ANKRD24: variants seen among roughly 807,000 people sequenced by gnomAD.
ANKRD24 encodes ankyrin repeat domain-containing protein 24.
A neutral mutation model predicts 127.8 loss-of-function variants in ANKRD24; 109 were observed. The observed-to-expected ratio is 0.85, with a 90% confidence interval of 0.73 to 1.00. The LOEUF (loss-of-function observed/expected upper bound fraction) is 1.00. Among genes scored for constraint, ANKRD24 ranks in the 50% least tolerant of loss-of-function variants. The probability of loss-of-function intolerance (pLI) is 0.00; values close to 1 mark genes in which losing one functional copy is unlikely to be tolerated. For missense variants in ANKRD24, 1,648 were observed against 1,570.2 expected (o/e 1.05, Z -0.84); for synonymous variants, 743 against 671.1 (o/e 1.11, Z -1.66).
chr19:4,218,195 C>T (rs1405593634), intron 18 of ANKRD24, 32 bp downstream of exon 18: 1 of 1,410,788 alleles, frequency 7.1e-7, no homozygotes, highest in Non-Finnish European at 9.3e-7. Context: ...CCGGGCCCCA[C>T]CCCCATTGGC....
chr19:4,206,615 G>A (rs1434978685), intron 7 of ANKRD24, among the ~76,000 whole-genome samples: 4 of 152,116 alleles, frequency 2.6e-5, no homozygotes, highest in South Asian at 4.1e-4. Context: ...GCAACACAGC[G>A]AGACCCCGTC....
At chr19:4,200,325 A>C (rs536464930) in intron 5 of ANKRD24, among the ~76,000 whole-genome samples, 154 bp downstream of exon 5, 3 of 152,238 alleles carry the variant, frequency 2.0e-5, no homozygotes, top group Non-Finnish European at 2.9e-5. Context: ...AGGGAGACAC[A>C]CAGGGGCATG....
In ANKRD24 at chr19:4,217,454, G is replaced by A. The variant is rs765582446; in HGVS notation, c.2294G>A (p.Arg765Gln). 6 of 1,512,820 alleles carry A rather than the reference G, an allele frequency of 4.0e-6. No individual in the cohort carries two copies. Among genetic ancestry groups the A allele is most frequent in the Admixed American group, 4.6e-5 (2 of 43,424 alleles). The allele number at this position is 1,512,820 out of a possible 1,614,324, so 93.7% of individuals were successfully genotyped here. Residue 765 changes from arginine (R) to glutamine (Q), a missense_variant, in exon 18 of 22, where the codon CGA becomes CAA. Coordinates refer to ENST00000318934, the MANE Select transcript of ANKRD24 (RefSeq NM_001393985.1). Reference protein sequence around the residue: ...EAAEAEAGRLRERVREAEGSG... With the variant: ...EAAEAEAGRLQERVREAEGSG... ...GCGGAGGCCGAGGCAGGCCGGCTGC[G>A]AGAGCGTGTCCGCGAGGCCGAGGGC... is the stretch of plus-strand genomic sequence containing the variant.
chr19:4,208,273 G>A (rs934639496), intron 10 of ANKRD24, among the ~76,000 whole-genome samples: 1 of 152,080 alleles, frequency 6.6e-6, no homozygotes, highest in East Asian at 2.0e-4. Flanking sequence ...GGAGGCCGAG[G>A]TGGGCGAATC....
intron 20 of ANKRD24, 102 bp from the exon 21 acceptor site, chr19:4,224,025 C>A: frequency 1.2e-6 from 1 of 837,472 alleles, no homozygotes; most frequent in South Asian, 1.7e-5. Context: ...AGCAGTCGGC[C>A]ATCAACGTAC....
intron 20 of ANKRD24, 101 bp downstream of exon 20, chr19:4,222,896 TGGGGTA>T (rs1490656333): frequency 7.4e-7 from 1 of 1,353,310 alleles, no homozygotes; most frequent in Non-Finnish European, 9.7e-7. Context: ...GGAGAGGGGC[TGGGGTA>T]GGCAGGTGGG....
chr19:4,212,905 G>A (rs553429380), intron 15 of ANKRD24, among the ~76,000 whole-genome samples: 48 of 152,344 alleles, frequency 3.2e-4, no homozygotes, highest in African/African-American at 1.1e-3. Context: ...GGCCGAGGCG[G>A]GCGGATCACG....
chr19:4,185,205 G>A (rs1290800185), intron 1 of ANKRD24, among the ~76,000 whole-genome samples: 1 of 151,106 alleles, frequency 6.6e-6, no homozygotes, highest in Admixed American at 6.6e-5. Context: ...GATGAATGGT[G>A]GGAGTTGGTA....
chr19:4,196,676 C>T (rs1353690631), intron 2 of ANKRD24, among the ~76,000 whole-genome samples: 2 of 152,194 alleles, frequency 1.3e-5, no homozygotes, highest in South Asian at 2.1e-4. Context: ...CGCCTGGCCT[C>T]CAGGGCTCCT....
chr19:4,195,101 C>G lies in ANKRD24; in HGVS notation c.37-4582C>G, dbSNP rs1382657955. 7.3e-6 allele frequency among the ~76,000 whole-genome samples: 1 copy of G among 136,324 alleles called. No individual in the cohort carries two copies. 89.4% of individuals were successfully genotyped at this position (136,324 alleles called of 152,430 possible). A position where few individuals can be genotyped will look rare whatever the true frequency, so the allele number is the denominator to read the frequency against. On this transcript the variant is annotated intron_variant, in intron 2 of 21. Coordinates refer to ENST00000318934, the MANE Select transcript of ANKRD24 (RefSeq NM_001393985.1). The surrounding 1 kb of genome is among the most constrained non-coding windows in gnomAD (Gnocchi z 4.2). ...GTTTGTTTGTTTTTAGAGAGGGAGT[C>G]TCACTCTGTCACCCAGGTTGGAGTG...
chr19:4,184,622 C>A (rs922903220), intron 1 of ANKRD24, among the ~76,000 whole-genome samples: 1 of 152,186 alleles, frequency 6.6e-6, no homozygotes, highest in African/African-American at 2.4e-5. Flanking sequence ...CCCAAGCCCA[C>A]GGATTGTCTT....
intron 2 of ANKRD24, among the ~76,000 whole-genome samples, chr19:4,187,161 C>A (rs954316884): frequency 6.6e-6 from 1 of 151,888 alleles, no homozygotes; most frequent in Admixed American, 6.6e-5. Context: ...ACCTGTAATC[C>A]CAGCATTTTG....
intron 15 of ANKRD24, among the ~76,000 whole-genome samples, chr19:4,213,259 T>C (rs540923232): frequency 6.6e-5 from 6 of 90,908 alleles, no homozygotes; most frequent in African/African-American, 2.3e-4. Context: ...CCTTTCCTTC[T>C]TTCCTTTCCT....
chr19:4,184,011 T>A (rs1305623498), intron 1 of ANKRD24, among the ~76,000 whole-genome samples: 1 of 152,156 alleles, frequency 6.6e-6, no homozygotes, highest in Non-Finnish European at 1.5e-5. Context: ...GAACAGCAAG[T>A]GCAAAGGCTG....
chr19:4,202,566 A>G (rs1228753926), intron 6 of ANKRD24, among the ~76,000 whole-genome samples: 4 of 151,770 alleles, frequency 2.6e-5, no homozygotes, highest in African/African-American at 9.7e-5. Flanking sequence ...GCGAAACACC[A>G]TCTAAAATAT....
intron 1 of ANKRD24, among the ~76,000 whole-genome samples, chr19:4,185,523 C>T (rs182244225): frequency 6.6e-6 from 1 of 152,270 alleles, no homozygotes; most frequent in Non-Finnish European, 1.5e-5. Context: ...CACAGTCACA[C>T]CCCTCAAAAA....
At chr19:4,214,712 G>A (rs1434241819) in intron 15 of ANKRD24, among the ~76,000 whole-genome samples, 1 of 152,032 alleles carries the variant, frequency 6.6e-6, no homozygotes, top group Non-Finnish European at 1.5e-5. Flanking sequence ...AAATTAGCCG[G>A]GTGTGCTGGC....
chr19:4,207,736 C>T, intron 9 of ANKRD24, 45 bp from the exon 10 acceptor site: 1 of 1,571,068 alleles, frequency 6.4e-7, no homozygotes, highest in Non-Finnish European at 8.6e-7. Context: ...GGCATGGGGG[C>T]TTGGGGGATG....
Position 4,217,808 on chromosome 19 carries a change from C to T in ANKRD24, c.2648C>T (p.Ala883Val), listed in dbSNP as rs776137946. 3 of 1,381,868 alleles carry T rather than the reference C, an allele frequency of 2.2e-6. No individual in the cohort carries two copies. Among genetic ancestry groups the T allele is most frequent in the South Asian group, 1.5e-5 (1 of 66,042 alleles). 85.6% of individuals were successfully genotyped at this position (1,381,868 alleles called of 1,614,324 possible). The change falls in exon 18 of 22, where the codon GCC becomes GTC. Residue 883 changes from alanine to valine, a missense_variant. Coordinates refer to ENST00000318934, the MANE Select transcript of ANKRD24 (RefSeq NM_001393985.1). Reference protein sequence around the residue: ...ELGRARDAAEARVAELPAACE... With the variant: ...ELGRARDAAEVRVAELPAACE... ...GGCCGGGCACGGGACGCCGCTGAGG[C>T]CCGAGTGGCTGAGCTGCCTGCGGCC...
Sources: gnomAD v4.1 joint callset for allele counts (sites outside exome capture counted in the v4.1 genomes callset) on GRCh38, gnomAD v4.1.1 for gene constraint, Gnocchi (gnomAD v3.1) non-coding constraint, MANE v1.5 for transcripts, NCBI Gene and HGNC (gene_info 2026-07-23, HGNC 2026-07-21) for gene names.